The following PKHD1 variants were observed in gnomAD, a reference collection of about 807,000 sequenced individuals.
PKHD1 encodes PKHD1 ciliary IPT domain containing fibrocystin/polyductin, also known as fibrocystin.
A neutral mutation model predicts 412.0 loss-of-function variants in PKHD1; 291 were observed. The observed-to-expected ratio is 0.71, with a 90% CI of 0.64 to 0.78. The LOEUF (loss-of-function observed/expected upper bound fraction) is 0.78, where lower values mean the gene tolerates loss of function less well. Among genes scored for constraint, PKHD1 ranks in the 30% least tolerant of loss-of-function variants. PKHD1 has a pLI of 0.00. For missense variants in PKHD1, 4,825 were observed against 4,950.7 expected (o/e 0.97, Z 0.76); for synonymous variants, 1,777 against 1,821.5 (o/e 0.98, Z 0.62).
chr6:51,865,663 C>T (rs978936334), intron 48 of PKHD1, among the ~76,000 whole-genome samples: 10 of 152,146 alleles, frequency 6.6e-5, no homozygotes, highest in African/African-American at 2.4e-4. Flanking sequence ...CAGCAGGGTG[C>T]TTATGCCATA....
intron 60 of PKHD1, among the ~76,000 whole-genome samples, chr6:51,733,625 A>T (rs76365610): frequency 6.6e-6 from 1 of 152,278 alleles, no homozygotes; most frequent in African/African-American, 2.4e-5. Context: ...AAAGTGAAGA[A>T]CTAAAAAAAT....
chr6:51,954,062 A>C (rs1479178755), intron 36 of PKHD1, among the ~76,000 whole-genome samples: 1 of 152,114 alleles, frequency 6.6e-6, no homozygotes, highest in Non-Finnish European at 1.5e-5. Flanking sequence ...AGCAGCCACT[A>C]TCTGTAAATA....
At position 51,659,617 on chromosome 6, in the gene PKHD1, G is replaced by A; in HGVS notation, c.10509C>T (p.Leu3503=). Residue 3503 remains leucine, a synonymous_variant, in exon 61 of 67, where the codon CTC becomes CTT. Transcript: ENST00000371117. Reference sequence around the variant, plus strand: ...CCCCTAAGAAGACGTGGGGGCTCTGGAGCTCATGGTAGAATACAGCCAAGA... The same window carrying A: ...CCCCTAAGAAGACGTGGGGGCTCTGAAGCTCATGGTAGAATACAGCCAAGA... The part of the protein sequence containing the change: ...KLLLAVFYHE[L]QSPHVFLGES... 4 of 1,613,674 alleles carry A rather than the reference G, an allele frequency of 2.5e-6. No individual in the cohort carries two copies. Among genetic ancestry groups the A allele is most frequent in the Non-Finnish European group, 1.7e-6 (2 of 1,179,810 alleles).
intron 19 of PKHD1, among the ~76,000 whole-genome samples, chr6:52,055,025 G>A (rs778536701): frequency 2.0e-5 from 3 of 152,198 alleles, no homozygotes; most frequent in Non-Finnish European, 2.9e-5. Context: ...TGGAGCTATC[G>A]AAGCAAAGGA....
intron 52 of PKHD1, among the ~76,000 whole-genome samples, chr6:51,821,939 G>A (rs1336879049): frequency 5.9e-5 from 9 of 152,060 alleles, no homozygotes; most frequent in Non-Finnish European, 1.0e-4. Flanking sequence ...CGCCTGCCTC[G>A]GACTCCCAAA....
chr6:51,813,568 T>C (rs1330828561), intron 52 of PKHD1, among the ~76,000 whole-genome samples: 1 of 152,148 alleles, frequency 6.6e-6, no homozygotes, highest in African/African-American at 2.4e-5. Flanking sequence ...ACTGGTAATA[T>C]TTTGTGGCCT....
chr6:51,997,120 T>C (rs1797807264), intron 35 of PKHD1, among the ~76,000 whole-genome samples: 1 of 152,200 alleles, frequency 6.6e-6, no homozygotes, highest in Non-Finnish European at 1.5e-5. Context: ...ACTGTGCTCA[T>C]GAAAGACCCT....
In PKHD1 at chr6:51,865,511, C is replaced by A. The variant is rs899562036; in HGVS notation, c.7733+2352G>T. On this transcript the variant is annotated intron_variant, in intron 48 of 66. Coordinates refer to ENST00000371117, the MANE Select transcript of PKHD1 (RefSeq NM_138694.4). ...AAAATGGACCAGAGAGGGGGCCTACCAAGGAAGAACTCACACTCCAAGAGC... is the reference window on the plus strand; with the variant it reads ...AAAATGGACCAGAGAGGGGGCCTACAAAGGAAGAACTCACACTCCAAGAGC... Among the ~76,000 whole-genome samples the A allele has an allele frequency of 4.0e-5, 6 of 151,896 alleles. No homozygotes were observed. In the East Asian group the frequency reaches 9.6e-4, roughly 24 times the overall value.
chr6:52,068,254 C>T (rs1810049781), intron 11 of PKHD1, among the ~76,000 whole-genome samples: 1 of 152,174 alleles, frequency 6.6e-6, no homozygotes, highest in Non-Finnish European at 1.5e-5. Context: ...CAGCCCAGGG[C>T]TCTTCATGGC....
At chr6:51,767,530 T>C (rs1284790812) in intron 55 of PKHD1, among the ~76,000 whole-genome samples, 3 of 152,116 alleles carry the variant, frequency 2.0e-5, no homozygotes, top group South Asian at 4.1e-4. Flanking sequence ...TGTGTTCTCA[T>C]TGTTCAATTC....
In PKHD1 at chr6:51,847,892, T is replaced by C; in HGVS notation, c.7990A>G (p.Ile2664Val). 4 of 1,613,872 alleles carry C rather than the reference T, an allele frequency of 2.5e-6. No individual in the cohort carries two copies. Among genetic ancestry groups the C allele is most frequent in the Non-Finnish European group, 3.4e-6 (4 of 1,179,736 alleles). Reference sequence around the variant, plus strand: ...ACTCGACTCCCACATCTTAGGAGGATGTCAGGGTAAGGCGGCAAATCTGTG... The same window carrying C: ...ACTCGACTCCCACATCTTAGGAGGACGTCAGGGTAAGGCGGCAAATCTGTG... Reference protein sequence around the residue: ...VHTDLPPYPDILLRCGSRVGL... With the variant: ...VHTDLPPYPDVLLRCGSRVGL... The change falls in exon 50 of 67, where the codon ATC becomes GTC. Residue 2664 changes from isoleucine (I) to valine (V), a missense_variant. Transcript: ENST00000371117.
At chr6:52,002,759 G>A (rs1383048769) in intron 35 of PKHD1, among the ~76,000 whole-genome samples, 5 of 152,098 alleles carry the variant, frequency 3.3e-5, no homozygotes, top group African/African-American at 1.2e-4. Flanking sequence ...TCTGTAATAG[G>A]AGAAACAAAA....
chr6:51,661,982 C>A (rs1772936209), intron 60 of PKHD1, among the ~76,000 whole-genome samples: 1 of 151,758 alleles, frequency 6.6e-6, no homozygotes, highest in South Asian at 2.1e-4. Flanking sequence ...AATTTAACTA[C>A]CAAATTGTTG....
At chr6:51,745,176 T>C (rs904448314) in intron 59 of PKHD1, among the ~76,000 whole-genome samples, 12 of 152,206 alleles carry the variant, frequency 7.9e-5, no homozygotes, top group Admixed American at 7.9e-4. Flanking sequence ...CAACAATGTA[T>C]TGAGTATTAT....
intron 60 of PKHD1, among the ~76,000 whole-genome samples, chr6:51,686,229 C>A (rs1034239946): frequency 6.6e-6 from 1 of 152,144 alleles, no homozygotes; most frequent in Admixed American, 6.6e-5. Flanking sequence ...CATCCTTCTA[C>A]TGTTTATATT....
chr6:51,807,436 T>TAA (rs1763942272), intron 52 of PKHD1, among the ~76,000 whole-genome samples: 1 of 23,176 alleles, frequency 4.3e-5, no homozygotes, highest in Non-Finnish European at 7.2e-5. Context: ...AGACTCTGTC[T>TAA]CAAAAAAAAA....
intron 27 of PKHD1, among the ~76,000 whole-genome samples, chr6:52,041,102 T>C (rs1804802049): frequency 6.6e-6 from 1 of 152,214 alleles, no homozygotes. Flanking sequence ...ATGAAGAAAG[T>C]ATGTAAAGCA....
intron 52 of PKHD1, among the ~76,000 whole-genome samples, chr6:51,814,034 T>A (rs1165391062): frequency 6.6e-6 from 1 of 152,192 alleles, no homozygotes; most frequent in African/African-American, 2.4e-5. Flanking sequence ...GTGATTTCCA[T>A]GCAAACTGCT....
intron 18 of PKHD1, 54 bp from the exon 19 acceptor site, chr6:52,055,783 G>A: frequency 6.3e-6 from 10 of 1,584,982 alleles, no homozygotes; most frequent in Non-Finnish European, 8.6e-6. Flanking sequence ...AAAAAAGACA[G>A]AGCTTCCCTA....
Sources: gnomAD v4.1 joint callset for allele counts (sites outside exome capture counted in the v4.1 genomes callset) on GRCh38, gnomAD v4.1.1 for gene constraint, MANE v1.5 for transcripts, NCBI Gene and HGNC (gene_info 2026-07-23, HGNC 2026-07-21) for gene names.